The following CSMD1 variants were observed in gnomAD, a reference collection of about 807,000 sequenced individuals.
CSMD1 encodes CUB and Sushi multiple domains 1.
CSMD1 carries 213 observed loss-of-function variants against 417.5 expected under a neutral mutation model. The ratio of observed to expected loss-of-function variants is 0.51; its 90% CI spans 0.46 to 0.57. The LOEUF (loss-of-function observed/expected upper bound fraction) is 0.57. Among genes scored for constraint, CSMD1 ranks in the 20% least tolerant of loss-of-function variants. CSMD1 has a pLI of 0.00. For synonymous variants in CSMD1, 2,862 were observed against 1,736.8 expected, an observed-to-expected ratio of 1.65 and a Z score of -16.11; for missense variants, 6,923 against 4,529.7, an observed-to-expected ratio of 1.53 and a Z score of -15.17.
At chr8:4,404,161 A>G (rs1272133480) in intron 3 of CSMD1, among the ~76,000 whole-genome samples, 2 of 152,170 alleles carry the variant, frequency 1.3e-5, no homozygotes, top group Non-Finnish European at 2.9e-5. Flanking sequence ...GCTTTCCGGA[A>G]CACTCTATTT....
At chr8:3,153,893 T>C (rs528052960) in intron 39 of CSMD1, among the ~76,000 whole-genome samples, 47 of 152,330 alleles carry the variant, frequency 3.1e-4, no homozygotes, top group African/African-American at 1.1e-3. Flanking sequence ...TTGATGTTGC[T>C]TATCTAGAAA....
intron 23 of CSMD1, among the ~76,000 whole-genome samples, chr8:3,315,476 CTTTT>C (rs1805688379): frequency 9.5e-6 from 1 of 105,430 alleles, no homozygotes; most frequent in Non-Finnish European, 2.2e-5. Context: ...TTTAAACTAT[CTTTT>C]AAATTATTTA....
At chr8:3,078,341 G>A (rs557713297) in intron 49 of CSMD1, among the ~76,000 whole-genome samples, 6 of 152,272 alleles carry the variant, frequency 3.9e-5, no homozygotes, top group South Asian at 4.2e-4. Flanking sequence ...TGGGATGCTC[G>A]ATGTGTGCTA....
chr8:3,218,179 G>A (rs1451508912), intron 29 of CSMD1, among the ~76,000 whole-genome samples: 1 of 152,164 alleles, frequency 6.6e-6, no homozygotes, highest in East Asian at 1.9e-4. Flanking sequence ...AAAGAGCTCT[G>A]AGCAGCGTCA....
chr8:3,177,629 G>T, intron 37 of CSMD1, among the ~76,000 whole-genome samples: 1 of 152,066 alleles, frequency 6.6e-6, no homozygotes, highest in Non-Finnish European at 1.5e-5. Context: ...ACCAAAATCT[G>T]TCAGAGAATG....
intron 2 of CSMD1, among the ~76,000 whole-genome samples, chr8:4,453,810 G>GTTTTTT (rs1392324658): frequency 5.4e-5 from 5 of 93,036 alleles, no homozygotes; most frequent in Admixed American, 1.3e-4. Flanking sequence ...TGCGCAATTC[G>GTTTTTT]TTTCTTTTTT....
At chr8:3,930,704 A>T (rs970996308) in intron 5 of CSMD1, among the ~76,000 whole-genome samples, 6 of 150,420 alleles carry the variant, frequency 4.0e-5, no homozygotes, top group African/African-American at 1.5e-4. Flanking sequence ...TTTCTGCAGA[A>T]AGGAAAAAAA....
At chr8:4,777,030 C>G (rs540976622) in intron 1 of CSMD1, among the ~76,000 whole-genome samples, 1 of 152,090 alleles carries the variant, frequency 6.6e-6, no homozygotes, top group Non-Finnish European at 1.5e-5. Flanking sequence ...TAGTAAAGTT[C>G]GGTGTGTTGC....
At chr8:4,343,321 A>G (rs576533179) in intron 3 of CSMD1, among the ~76,000 whole-genome samples, 6 of 152,208 alleles carry the variant, frequency 3.9e-5, no homozygotes, top group African/African-American at 1.4e-4. Context: ...AATTTTAGTA[A>G]GAGAATGAAT....
At chr8:3,501,904 C>T (rs963481578) in intron 10 of CSMD1, among the ~76,000 whole-genome samples, 7 of 152,064 alleles carry the variant, frequency 4.6e-5, no homozygotes, top group African/African-American at 1.2e-4. Flanking sequence ...AATATATCTA[C>T]CATAGATACT....
At chr8:3,930,778 C>T (rs1851593) in intron 5 of CSMD1, among the ~76,000 whole-genome samples, 1 of 149,978 alleles carries the variant, frequency 6.7e-6, no homozygotes, top group South Asian at 2.1e-4. Flanking sequence ...AGGGAACAAG[C>T]ATTTCTAACA....
chr8:3,730,168 C>A (rs549269352), intron 6 of CSMD1, among the ~76,000 whole-genome samples: 7 of 152,040 alleles, frequency 4.6e-5, no homozygotes, highest in African/African-American at 1.4e-4. Flanking sequence ...TCCTTCCATT[C>A]CCCCAAAATC....
At chr8:4,780,785 G>T (rs774062875) in intron 1 of CSMD1, among the ~76,000 whole-genome samples, 2 of 151,986 alleles carry the variant, frequency 1.3e-5, no homozygotes, top group Non-Finnish European at 2.9e-5. Flanking sequence ...TGTCCTCATA[G>T]CTTAGCTCCC....
At chr8:4,882,004 C>G (rs1422943624) in intron 1 of CSMD1, among the ~76,000 whole-genome samples, 1 of 152,048 alleles carries the variant, frequency 6.6e-6, no homozygotes, top group East Asian at 1.9e-4. Context: ...GAAATCTCAG[C>G]CCTTCCAACA....
At chr8:3,207,925 A>C (rs1386359717) in intron 30 of CSMD1, among the ~76,000 whole-genome samples, 1 of 152,132 alleles carries the variant, frequency 6.6e-6, no homozygotes, top group Non-Finnish European at 1.5e-5. Flanking sequence ...TTCAAAACTG[A>C]AGGTTTCCAA....
rs1161882725 is a variant in CSMD1 at position 3,181,122 on chromosome 8, G to C, written c.5713C>G (p.Leu1905Val). 2 of 1,612,622 alleles carry C rather than the reference G, an allele frequency of 1.2e-6. No homozygotes were observed. Among genetic ancestry groups the C allele is most frequent in the African/African-American group, 1.3e-5 (1 of 75,002 alleles). Reference protein sequence around the residue: ...DISVAAAGFHLEYKTVGLAAC... With the variant: ...DISVAAAGFHVEYKTVGLAAC... ...GAGTTGACCTTACTTTTGTATTCCA[G>C]GTGGAAACCAGCAGCTGCCACACTA... Residue 1905 changes from leucine (L) to valine (V), a missense_variant, in exon 37 of 70, where the codon CTG becomes GTG. Physicochemically the swap from Leu to Val is conservative, Grantham distance 32. Coordinates refer to ENST00000635120, the MANE Select transcript of CSMD1 (RefSeq NM_033225.6).
intron 7 of CSMD1, among the ~76,000 whole-genome samples, chr8:3,619,566 A>G (rs528232009): frequency 2.0e-5 from 3 of 152,316 alleles, no homozygotes; most frequent in African/African-American, 7.2e-5. Context: ...TCCAAATTTG[A>G]GGAAAGACAT....
At chr8:3,078,691 A>G (rs34464519) in intron 49 of CSMD1, among the ~76,000 whole-genome samples, 6,030 of 152,310 alleles carry the variant, frequency 0.04, 189 homozygotes, top group Middle Eastern at 0.13. Context: ...CAAAGACTGA[A>G]GGTCTACGTG....
intron 1 of CSMD1, among the ~76,000 whole-genome samples, chr8:4,764,072 C>G (rs1041393357): frequency 7.9e-5 from 12 of 152,308 alleles, no homozygotes; most frequent in Non-Finnish European, 1.6e-4. Flanking sequence ...AGCACTCTGT[C>G]TGCATCATCT....
Sources: allele counts gnomAD v4.1 joint callset (sites outside exome capture counted in the v4.1 genomes callset), GRCh38; gene constraint gnomAD v4.1.1; transcripts MANE v1.5; gene names NCBI Gene and HGNC (gene_info 2026-07-23, HGNC 2026-07-21).